NPRL3: variants seen among roughly 807,000 people sequenced by gnomAD.
NPRL3 encodes the protein GATOR1 complex protein NPRL3.
NPRL3 carries 23 observed loss-of-function variants against 57.2 expected under a neutral mutation model. The ratio of observed to expected loss-of-function variants is 0.40; its 90% CI spans 0.29 to 0.57. The LOEUF (loss-of-function observed/expected upper bound fraction) is 0.57, where lower values mean the gene tolerates loss of function less well. Ranked by LOEUF, NPRL3 falls within the 20% of genes least tolerant of loss-of-function variation. NPRL3 has a pLI of 0.42. For synonymous variants in NPRL3, 333 were observed against 321.1 expected, an observed-to-expected ratio of 1.04 and a Z score of -0.39; for missense variants, 691 against 767.1, an observed-to-expected ratio of 0.90 and a Z score of 1.17.
intron 7 of NPRL3, among the ~76,000 whole-genome samples, chr16:101,961 G>A (rs1452507084): frequency 2.0e-5 from 3 of 152,174 alleles, no homozygotes; most frequent in Admixed American, 1.3e-4. Flanking sequence ...CCTGAGGAGG[G>A]GGGCTTGTGG....
intron 3 of NPRL3, among the ~76,000 whole-genome samples, chr16:120,125 C>T (rs920807735): frequency 2.0e-5 from 3 of 152,176 alleles, no homozygotes; most frequent in African/African-American, 4.8e-5. Flanking sequence ...AGGGCCTCCG[C>T]TCTAGAAACA....
intron 13 of NPRL3, among the ~76,000 whole-genome samples, chr16:87,868 C>CTTTTT (rs35061088): frequency 7.3e-6 from 1 of 137,546 alleles, no homozygotes; most frequent in African/African-American, 2.8e-5. Context: ...CCGCGCCTGA[C>CTTTTT]TTTTTTTTTT....
intron 3 of NPRL3, chr16:126,447 T>G (rs60125383): frequency 7.1e-6 from 1 of 140,982 alleles, no homozygotes; most frequent in South Asian, 2.3e-4. Context: ...ATAATAATAA[T>G]TAATAATAAT....
chr16:132,400 C>T (rs1180360298), intron 2 of NPRL3, among the ~76,000 whole-genome samples: 1 of 152,164 alleles, frequency 6.6e-6, no homozygotes, highest in Non-Finnish European at 1.5e-5. Flanking sequence ...CATCTTTAGG[C>T]CCTACTTCTA....
rs769191 is a variant in NPRL3, at chr16:85,477, C to G, written c.*1228G>C. Reference sequence around the variant, plus strand: ...AGACCATGCGTCAGCTTCGCAGCACCCTCCGGAAAGGCACCGCCAGCCGTG... The same window carrying G: ...AGACCATGCGTCAGCTTCGCAGCACGCTCCGGAAAGGCACCGCCAGCCGTG... On this transcript the variant is annotated 3_prime_UTR_variant, in exon 14 of 14. Coordinates refer to ENST00000611875, the MANE Select transcript of NPRL3 (RefSeq NM_001077350.3). The G allele has an allele frequency of 8.7e-6, 14 of 1,613,052 alleles. No individual in the cohort carries two copies. Among genetic ancestry groups the G allele is most frequent in the Non-Finnish European group, 1.2e-5 (14 of 1,180,026 alleles).
rs984688777 is a variant in NPRL3 at position 98,258 on chromosome 16, G to C, written c.811C>G (p.Leu271Val). The C allele has an allele frequency of 3.7e-6, 6 of 1,613,890 alleles. No homozygotes were observed. Among genetic ancestry groups the C allele is most frequent in the Non-Finnish European group, 5.1e-6 (6 of 1,179,888 alleles). Residue 271 changes from leucine to valine, a missense_variant, in exon 9 of 14, where the codon CTG becomes GTG. Leu to Val is a conservative substitution (Grantham distance 32). Coordinates refer to ENST00000611875, the MANE Select transcript of NPRL3 (RefSeq NM_001077350.3). Reference sequence around the variant, plus strand: ...GAGCAGTCAATAGGAAGCTCACCCAGCAAGGACTTCTCATCACTGAGCAGC... The same window carrying C: ...GAGCAGTCAATAGGAAGCTCACCCACCAAGGACTTCTCATCACTGAGCAGC... ...LLLLSDEKSLLGELPIDCSPA... is the reference protein window; with the variant it reads ...LLLLSDEKSLVGELPIDCSPA...
chr16:112,610 T>G lies in NPRL3; in HGVS notation c.547+12A>C, dbSNP rs1394524575. On this transcript the variant is annotated intron_variant, in intron 6 of 13. Coordinates refer to ENST00000611875, the MANE Select transcript of NPRL3 (RefSeq NM_001077350.3). Reference sequence around the variant, plus strand: ...GCCCAGACCCATGCCCATCACGCCCTGCTGCACTCACCATCAGCCATGGCG... The same window carrying G: ...GCCCAGACCCATGCCCATCACGCCCGGCTGCACTCACCATCAGCCATGGCG... 7.7e-6 allele frequency: 12 copies of G among 1,561,726 alleles called. No homozygotes were observed. The highest frequency in any genetic ancestry group is 1.0e-5 in the Non-Finnish European group (12 of 1,150,108).
rs1277893899 is a variant in NPRL3, at chr16:130,591, C to T, written c.119G>A (p.Ser40Asn). The stretch of plus-strand genomic sequence containing the variant: ...GGCAGCGTATCTGCTACGCGGCTTA[C>T]CTGAGTCGGGGCGAAAAGAGGGGAA... ...RSQEHPASQT[S>N]KPRSRYAASN... The change falls in exon 3 of 14, where the codon AGT becomes AAT. Residue 40 changes from serine (S) to asparagine (N), a missense_variant and splice_region_variant. Coordinates refer to ENST00000611875, the MANE Select transcript of NPRL3 (RefSeq NM_001077350.3). 5.1e-6 allele frequency: 8 copies of T among 1,553,696 alleles called. No individual in the cohort carries two copies. The highest frequency in any genetic ancestry group is 5.2e-6 in the Non-Finnish European group (6 of 1,148,278).
chr16:93,843 G>A (rs924732473), intron 9 of NPRL3, among the ~76,000 whole-genome samples: 1 of 152,174 alleles, frequency 6.6e-6, no homozygotes, highest in African/African-American at 2.4e-5. Flanking sequence ...TTACAGGCAT[G>A]AGCCACCGCA....
chr16:119,141 C>T lies in NPRL3; in HGVS notation c.303G>A (p.Gln101=), dbSNP rs2141960593. The T allele has an allele frequency of 6.2e-7, 1 of 1,613,684 alleles. No individual in the cohort carries two copies. The highest frequency in any genetic ancestry group is 1.6e-4 in the Middle Eastern group (1 of 6,062). The change falls in exon 4 of 14, where the codon CAG becomes CAA. Residue 101 remains glutamine, a synonymous_variant. Transcript: ENST00000611875. ...VRFVGHPTLL[Q]HALGQISKTD... ...AGAGCCATACCTGCCCCAGAGCATG[C>T]TGTAGCAGTGTTGGGTGCCCAACAA...
Position 85,789 on chromosome 16 carries a change from G to A in NPRL3, c.*916C>T. On this transcript the variant is annotated 3_prime_UTR_variant, in exon 14 of 14. Coordinates refer to ENST00000611875, the MANE Select transcript of NPRL3 (RefSeq NM_001077350.3). ...ACACACAGGCCTGAGCAAAGGGCCT[G>A]CCCAGACAAGATTTTTTAATTGTTT... The A allele has an allele frequency of 6.8e-7, 1 of 1,468,224 alleles. No homozygotes were observed. The highest frequency in any genetic ancestry group is 9.0e-7 in the Non-Finnish European group (1 of 1,107,968). 90.9% of individuals were successfully genotyped at this position (1,468,224 alleles called of 1,614,324 possible).
chr16:100,524 C>G lies in NPRL3; in HGVS notation c.630-15G>C. 1 of 1,532,818 alleles carries G rather than the reference C, an allele frequency of 6.5e-7. No homozygotes were observed. Among genetic ancestry groups the G allele is most frequent in the Non-Finnish European group, 8.8e-7 (1 of 1,141,996 alleles). The allele number at this position is 1,532,818 out of a possible 1,614,324, so 95.0% of individuals were successfully genotyped here. On this transcript the variant is annotated splice_polypyrimidine_tract_variant and intron_variant, in intron 7 of 13. Transcript: ENST00000611875. ...ACGTGCACAGGCTGCAGAGAGTGGG[C>G]GCTGTTACCCGTTCACATAAACTTT...
At chr16:100,577 C>T in intron 7 of NPRL3, 68 bp from the exon 8 acceptor site, 3 of 1,354,932 alleles carry the variant, frequency 2.2e-6, no homozygotes, top group Non-Finnish European at 2.9e-6. Flanking sequence ...TCAGAAAACA[C>T]CCTGCTCAAT....
At chr16:129,295 C>T (rs1223456698) in intron 3 of NPRL3, among the ~76,000 whole-genome samples, 1 of 152,198 alleles carries the variant, frequency 6.6e-6, no homozygotes, top group African/African-American at 2.4e-5. Flanking sequence ...TACCTACCCA[C>T]TGTGCAGGGG....
intron 5 of NPRL3, among the ~76,000 whole-genome samples, chr16:113,511 A>G (rs540616287): frequency 6.6e-6 from 1 of 152,326 alleles, no homozygotes; most frequent in East Asian, 1.9e-4. Flanking sequence ...TCTGGAACCT[A>G]TCAGGGACCA....
intron 2 of NPRL3, among the ~76,000 whole-genome samples, chr16:132,886 G>T (rs1472280364): frequency 6.6e-6 from 1 of 152,062 alleles, no homozygotes; most frequent in Non-Finnish European, 1.5e-5. Flanking sequence ...AGCCAGGATG[G>T]TCTTGATCTC....
chr16:121,614 CG>C (rs1567143726), intron 3 of NPRL3, among the ~76,000 whole-genome samples: 1 of 126,326 alleles, frequency 7.9e-6, no homozygotes, highest in African/African-American at 2.7e-5. Flanking sequence ...AGCGAAACTC[CG>C]TCTCAAAAAA....
Position 86,778 on chromosome 16 carries a change from T to G in NPRL3, c.1637A>C (p.Lys546Thr). The G allele has an allele frequency of 6.2e-7, 1 of 1,606,432 alleles. No individual in the cohort carries two copies. The highest frequency in any genetic ancestry group is 1.1e-5 in the South Asian group (1 of 89,508). The change falls in exon 14 of 14, where the codon AAG becomes ACG. Residue 546 changes from lysine to threonine, a missense_variant. Physicochemically the swap from Lys to Thr is moderately conservative, Grantham distance 78. Transcript: ENST00000611875. ...RRSQLLMLFD[K>T]FRSVLVVTTH... ...GGTCACCACCAGCACGCTGCGGAAC[T>G]TGTCAAACAGCATGAGCAGCTGGGA...
intron 3 of NPRL3, among the ~76,000 whole-genome samples, chr16:121,397 T>C (rs1323489040): frequency 6.6e-6 from 1 of 152,014 alleles, no homozygotes; most frequent in African/African-American, 2.4e-5. Flanking sequence ...CTGAAGTGGG[T>C]GGATCACCCG....
Sources: allele counts gnomAD v4.1 joint callset (sites outside exome capture counted in the v4.1 genomes callset), GRCh38; gene constraint gnomAD v4.1.1; transcripts MANE v1.5; gene names NCBI Gene and HGNC (gene_info 2026-07-23, HGNC 2026-07-21).